The following FRMD5 variants were observed in gnomAD, a reference collection of about 807,000 sequenced individuals.
FRMD5 encodes FERM domain-containing protein 5.
In FRMD5, 20 loss-of-function variants were observed where a neutral mutation model predicts 69.0. The ratio of observed to expected loss-of-function variants is 0.29; its 90% CI spans 0.20 to 0.42. FRMD5 has a LOEUF of 0.42. FRMD5 is among the 10% of genes least tolerant of loss of function. The pLI is 1.00. For missense variants in FRMD5, 595 were observed against 708.6 expected (o/e 0.84, Z 1.82); for synonymous variants, 271 against 260.1 (o/e 1.04, Z -0.40).
chr15:44,126,999 G>A (rs950519119), intron 1 of FRMD5, among the ~76,000 whole-genome samples: 1 of 152,146 alleles, frequency 6.6e-6, no homozygotes, highest in African/African-American at 2.4e-5. Flanking sequence ...TGTTCATTCT[G>A]CAATTGGTCA....
chr15:44,019,875 G>A (rs1891139006), intron 1 of FRMD5, among the ~76,000 whole-genome samples: 1 of 151,518 alleles, frequency 6.6e-6, no homozygotes, highest in African/African-American at 2.4e-5. Flanking sequence ...TTCTCTAAAT[G>A]TTGTATTTGT....
At chr15:43,992,596 T>C (rs879518185) in intron 1 of FRMD5, among the ~76,000 whole-genome samples, 7 of 152,178 alleles carry the variant, frequency 4.6e-5, no homozygotes, top group Non-Finnish European at 1.0e-4. Flanking sequence ...CAGACTGGTC[T>C]CGAACTCCTG....
rs1595642290 is a variant in FRMD5, at chr15:44,027,648, T to G, written c.103-103339A>C. ...CTGACTTTCTTTTCTAGTTTTTTTT[T>G]TTGTTTTTTTTTTTTTTTCCGAGAC... On this transcript the variant is annotated intron_variant, in intron 1 of 13. Transcript: ENST00000417257. Among the ~76,000 whole-genome samples the G allele has an allele frequency of 6.8e-5, 2 of 29,544 alleles. 1 individual carries two copies. Among genetic ancestry groups the G allele is most frequent in the African/African-American group, 1.1e-4 (2 of 17,518 alleles). 19.4% of individuals were successfully genotyped at this position (29,544 alleles called of 152,430 possible).
chr15:44,129,676 T>C (rs1294729183), intron 1 of FRMD5, among the ~76,000 whole-genome samples: 2 of 152,206 alleles, frequency 1.3e-5, no homozygotes, highest in Non-Finnish European at 2.9e-5. Flanking sequence ...CAAGAGATAC[T>C]GTAGGATAGG....
intron 1 of FRMD5, among the ~76,000 whole-genome samples, chr15:43,947,642 G>T (rs183717068): frequency 1.3e-5 from 2 of 152,294 alleles, no homozygotes; most frequent in East Asian, 3.9e-4. Flanking sequence ...ATCATGGACC[G>T]AGGTGAGGAC....
chr15:44,102,161 G>C (rs1321806979), intron 1 of FRMD5, among the ~76,000 whole-genome samples: 3 of 152,142 alleles, frequency 2.0e-5, no homozygotes, highest in Non-Finnish European at 4.4e-5. Flanking sequence ...ATCATGCACT[G>C]GCATGTAGAA....
intron 1 of FRMD5, among the ~76,000 whole-genome samples, chr15:44,062,054 G>A (rs1448002126): frequency 6.6e-6 from 1 of 152,154 alleles, no homozygotes; most frequent in Non-Finnish European, 1.5e-5. Context: ...ACAAGTGCAG[G>A]AAATACAATC....
chr15:43,881,401 T>C (rs1472387575), intron 13 of FRMD5, among the ~76,000 whole-genome samples: 2 of 152,168 alleles, frequency 1.3e-5, no homozygotes, highest in Non-Finnish European at 2.9e-5. Context: ...CAGCCTAAGA[T>C]GGGAGGAAAC....
At chr15:44,005,049 A>C (rs573459507) in intron 1 of FRMD5, among the ~76,000 whole-genome samples, 7 of 152,366 alleles carry the variant, frequency 4.6e-5, no homozygotes, top group African/African-American at 1.7e-4. Context: ...AATCCAGAGC[A>C]AGGCCTTACC....
intron 1 of FRMD5, among the ~76,000 whole-genome samples, chr15:44,078,117 T>C (rs1159996826): frequency 1.3e-5 from 2 of 152,168 alleles, no homozygotes; most frequent in Non-Finnish European, 2.9e-5. Context: ...AAATGCTGAA[T>C]AGCTGAATGC....
intron 1 of FRMD5, among the ~76,000 whole-genome samples, chr15:43,972,877 G>C (rs759637142): frequency 8.5e-5 from 13 of 152,124 alleles, no homozygotes; most frequent in Non-Finnish European, 1.3e-4. Context: ...CTCCACCCAG[G>C]CTTCTACATG....
chr15:43,932,359 C>T (rs1469627195), intron 1 of FRMD5, among the ~76,000 whole-genome samples: 3 of 152,100 alleles, frequency 2.0e-5, no homozygotes, highest in African/African-American at 7.2e-5. Context: ...TCTTAAAGTA[C>T]AAATCTGCGT....
chr15:43,970,500 C>T (rs550797405), intron 1 of FRMD5, among the ~76,000 whole-genome samples: 31 of 152,324 alleles, frequency 2.0e-4, no homozygotes, highest in African/African-American at 7.5e-4. Context: ...GAGACAGTCT[C>T]GCTCTGTCAC....
intron 1 of FRMD5, among the ~76,000 whole-genome samples, chr15:43,934,772 C>CTAA (rs2089731298): frequency 6.6e-6 from 1 of 152,206 alleles, no homozygotes; most frequent in Non-Finnish European, 1.5e-5. Flanking sequence ...GATCCTCAGG[C>CTAA]TAATACCAGC....
Position 43,873,503 on chromosome 15 carries a change from C to A in FRMD5, c.*382G>T. 1 of 1,423,696 alleles carries A rather than the reference C, an allele frequency of 7.0e-7. No homozygotes were observed. The highest frequency in any genetic ancestry group is 1.5e-5 in the South Asian group (1 of 68,220). The allele number at this position is 1,423,696 out of a possible 1,614,324, so 88.2% of individuals were successfully genotyped here. ...CTCTAGTTTTCAACTAGTGTCCCCT[C>A]TGCTAGGTGATACTACTGCAATAAT... On this transcript the variant is annotated 3_prime_UTR_variant, in exon 14 of 14. Transcript: ENST00000417257.
At chr15:44,097,297 A>G (rs2076567743) in intron 1 of FRMD5, among the ~76,000 whole-genome samples, 1 of 152,256 alleles carries the variant, frequency 6.6e-6, no homozygotes, top group Non-Finnish European at 1.5e-5. Flanking sequence ...CTGTAGGAAC[A>G]GCAAGCTTTG....
At chr15:44,049,380 T>C (rs1335444319) in intron 1 of FRMD5, among the ~76,000 whole-genome samples, 1 of 152,188 alleles carries the variant, frequency 6.6e-6, no homozygotes, top group Non-Finnish European at 1.5e-5. Context: ...AACCTTAAGC[T>C]GGACAGTGGG....
At chr15:44,173,648 C>G (rs1426549454) in intron 1 of FRMD5, among the ~76,000 whole-genome samples, 1 of 152,028 alleles carries the variant, frequency 6.6e-6, no homozygotes, top group Admixed American at 6.6e-5. Context: ...GTAGCTGGGA[C>G]TACATGCATG....
intron 1 of FRMD5, among the ~76,000 whole-genome samples, chr15:44,046,136 G>A (rs928608640): frequency 2.0e-5 from 3 of 152,116 alleles, no homozygotes; most frequent in Admixed American, 2.0e-4. Flanking sequence ...ATTCCTGAAT[G>A]AATGAATGAA....
Sources: gnomAD v4.1 joint callset for allele counts (sites outside exome capture counted in the v4.1 genomes callset) on GRCh38, gnomAD v4.1.1 for gene constraint, MANE v1.5 for transcripts, NCBI Gene and HGNC (gene_info 2026-07-23, HGNC 2026-07-21) for gene names.